The following CSMD2 variants were observed in gnomAD, a reference collection of about 807,000 sequenced individuals.
CSMD2 encodes the protein CUB and Sushi multiple domains 2, also known as CUB and sushi domain-containing protein 2.
CSMD2 carries 130 observed loss-of-function variants against 398.5 expected under a neutral mutation model. That is an observed-to-expected ratio of 0.33 (90% confidence interval 0.28 to 0.38). The LOEUF is 0.38. Ranked by LOEUF, CSMD2 falls within the 10% of genes least tolerant of loss-of-function variation. The pLI is 1.00. For synonymous variants in CSMD2, 1,828 were observed against 1,908.5 expected (o/e 0.96, Z 1.10); for missense variants, 3,829 against 4,764.9 (o/e 0.80, Z 5.78).
chr1:34,070,307 T>TAAAA (rs1655583268), intron 2 of CSMD2, among the ~76,000 whole-genome samples: 1 of 152,184 alleles, frequency 6.6e-6, no homozygotes, highest in African/African-American at 2.4e-5. Context: ...CTGGTAGGTT[T>TAAAA]CCTCTCATCT....
chr1:33,817,884 T>C (rs1473452079), intron 9 of CSMD2, among the ~76,000 whole-genome samples: 1 of 152,228 alleles, frequency 6.6e-6, no homozygotes, highest in African/African-American at 2.4e-5. Context: ...TGGAATGAGA[T>C]GACCACGTGA....
intron 10 of CSMD2, among the ~76,000 whole-genome samples, chr1:33,794,554 G>A (rs950152810): frequency 2.5e-4 from 38 of 152,204 alleles, no homozygotes; most frequent in African/African-American, 7.2e-4. Flanking sequence ...AGGTGGTGGA[G>A]GGTGGCGATA....
At chr1:33,788,780 C>T (rs1367277111) in intron 11 of CSMD2, 68 bp from the exon 12 acceptor site, 43 of 1,049,552 alleles carry the variant, frequency 4.1e-5, no homozygotes, top group South Asian at 1.5e-4. Flanking sequence ...ATTGCCTGAC[C>T]GATGACATTT....
At chr1:33,705,442 G>A (rs146973857) in intron 22 of CSMD2, among the ~76,000 whole-genome samples, 3 of 152,008 alleles carry the variant, frequency 2.0e-5, no homozygotes, top group South Asian at 2.1e-4. Flanking sequence ...AATTTTACTC[G>A]TTGATACCAA....
At chr1:33,995,129 A>G (rs1277072950) in intron 3 of CSMD2, among the ~76,000 whole-genome samples, 3 of 152,258 alleles carry the variant, frequency 2.0e-5, no homozygotes, top group East Asian at 1.9e-4. Flanking sequence ...CCTGAACCCA[A>G]TGGGTTCTTT....
Position 33,709,096 on chromosome 1 carries a change from A to G in CSMD2, c.3569T>C (p.Val1190Ala). 3 of 1,611,898 alleles carry G rather than the reference A, an allele frequency of 1.9e-6. No individual in the cohort carries two copies. Among genetic ancestry groups the G allele is most frequent in the Non-Finnish European group, 1.7e-6 (2 of 1,179,046 alleles). The change falls in exon 22 of 71, where the codon GTC (valine) becomes GCC (alanine). Residue 1190 changes from valine to alanine, a missense_variant. Val to Ala is a moderately conservative substitution (Grantham distance 64). Transcript: ENST00000373381. ...GAAATCGATCAATTTTACCTTGAGG[A>G]CATCTCCTTCGGAGAGTTCGAATGC... ...ARAFELSEGD[V>A]LKVYDGNNNS...
Position 33,714,652 on chromosome 1 carries a change from G to A in CSMD2, c.3341C>T (p.Thr1114Ile), listed in dbSNP as rs1323847658. ...SCFPGYRLEGTARITCLGGRR... is the reference protein window; with the variant it reads ...SCFPGYRLEGIARITCLGGRR... ...GCCCCCCAGGCACGTGATGCGGGCGGTGCCCTCCAGACGGTACCCGGGGAA... is the reference window on the plus strand; with the variant it reads ...GCCCCCCAGGCACGTGATGCGGGCGATGCCCTCCAGACGGTACCCGGGGAA... The change falls in exon 21 of 71, where the codon ACC becomes ATC. Residue 1114 changes from threonine (T) to isoleucine (I), a missense_variant. Coordinates refer to ENST00000373381, the MANE Select transcript of CSMD2 (RefSeq NM_001281956.2). The A allele has an allele frequency of 1.2e-6, 2 of 1,613,974 alleles. No homozygotes were observed. Among genetic ancestry groups the A allele is most frequent in the South Asian group, 1.1e-5 (1 of 91,088 alleles).
intron 46 of CSMD2, among the ~76,000 whole-genome samples, chr1:33,584,674 T>A (rs1403688493): frequency 3.4e-5 from 4 of 119,288 alleles, no homozygotes; most frequent in Non-Finnish European, 7.4e-5. Context: ...TCAAAAAAAA[T>A]ATATCTATAT....
rs1343799295 is a variant in CSMD2 at position 34,054,532 on chromosome 1, T to C, written c.405-21826A>G. 2.0e-5 allele frequency among the ~76,000 whole-genome samples: 3 copies of C among 152,066 alleles called. No homozygotes were observed. In the South Asian group the frequency reaches 6.2e-4, roughly 32 times the overall value. Reference sequence around the variant, plus strand: ...GTCAGGAGATCGAGACCATCCTGGCTAACACGGTGAAATCCTGTCTCTACT... The same window carrying C: ...GTCAGGAGATCGAGACCATCCTGGCCAACACGGTGAAATCCTGTCTCTACT... On this transcript the variant is annotated intron_variant, in intron 2 of 70. Coordinates refer to ENST00000373381, the MANE Select transcript of CSMD2 (RefSeq NM_001281956.2).
At chr1:33,697,485 A>G (rs190732078) in intron 24 of CSMD2, among the ~76,000 whole-genome samples, 25 of 152,310 alleles carry the variant, frequency 1.6e-4, no homozygotes, top group Admixed American at 1.2e-3. Context: ...TAGACCCTCC[A>G]TTGTATAACA....
At chr1:33,641,137 T>C (rs1340485045) in intron 29 of CSMD2, among the ~76,000 whole-genome samples, 1 of 152,194 alleles carries the variant, frequency 6.6e-6, no homozygotes, top group Admixed American at 6.5e-5. Context: ...GCAACCCTTC[T>C]GATTTGTTTC....
At chr1:33,615,458 C>T (rs1051738088) in intron 39 of CSMD2, among the ~76,000 whole-genome samples, 6 of 152,136 alleles carry the variant, frequency 3.9e-5, no homozygotes, top group Admixed American at 3.3e-4. Flanking sequence ...CAAACAGACC[C>T]GAAAACAGTG....
chr1:33,568,054 G>A (rs559379509), intron 52 of CSMD2, among the ~76,000 whole-genome samples: 2 of 152,054 alleles, frequency 1.3e-5, no homozygotes, highest in South Asian at 4.2e-4. Context: ...ACAGATGTGT[G>A]CAAAATGATC....
chr1:33,610,465 T>G (rs1640919845), intron 41 of CSMD2, among the ~76,000 whole-genome samples: 1 of 151,820 alleles, frequency 6.6e-6, no homozygotes, highest in African/African-American at 2.4e-5. Flanking sequence ...GGAACCTGAG[T>G]GTAGATGGGG....
At position 33,763,155 on chromosome 1, in the gene CSMD2, T is replaced by C. The variant is rs74467474; in HGVS notation, c.1846+9414A>G. ...AAGTATTAGCTAGGAAAAAAGTCTC[T>C]TGGCATGATGTAATCCAAGAGCTCA... On this transcript the variant is annotated intron_variant, in intron 13 of 70. Coordinates refer to ENST00000373381, the MANE Select transcript of CSMD2 (RefSeq NM_001281956.2). Among the ~76,000 whole-genome samples the C allele has an allele frequency of 1.1e-4, 16 of 152,292 alleles. No homozygotes were observed. The East Asian group carries it at 3.1e-3, about 29-fold the overall frequency.
At chr1:33,960,274 C>T (rs1211312250) in intron 3 of CSMD2, among the ~76,000 whole-genome samples, 1 of 152,172 alleles carries the variant, frequency 6.6e-6, no homozygotes, top group Non-Finnish European at 1.5e-5. Flanking sequence ...CTCCTCTGTG[C>T]TGGAAACTGT....
chr1:33,617,420 G>A, intron 38 of CSMD2, 79 bp downstream of exon 38: 2 of 1,061,712 alleles, frequency 1.9e-6, no homozygotes, highest in Non-Finnish European at 1.5e-6. Flanking sequence ...TTTGGTGACT[G>A]TAGCTCTGCT....
chr1:33,522,443 T>G (rs1654399677), intron 67 of CSMD2, among the ~76,000 whole-genome samples: 1 of 152,208 alleles, frequency 6.6e-6, no homozygotes, highest in Non-Finnish European at 1.5e-5. Flanking sequence ...CCACGATGAT[T>G]GAAGCTGGCC....
At chr1:34,158,118 T>A (rs796579272) in intron 1 of CSMD2, among the ~76,000 whole-genome samples, 4 of 152,302 alleles carry the variant, frequency 2.6e-5, no homozygotes, top group African/African-American at 9.6e-5. Context: ...ATGAGTTTCC[T>A]TTGTTTCTCT....
Sources: allele counts gnomAD v4.1 joint callset (sites outside exome capture counted in the v4.1 genomes callset), GRCh38; gene constraint gnomAD v4.1.1; transcripts MANE v1.5; gene names NCBI Gene and HGNC (gene_info 2026-07-23, HGNC 2026-07-21).